TGFA: variants seen among roughly 807,000 people sequenced by gnomAD.
TGFA encodes the protein protransforming growth factor alpha.
In TGFA, 12 loss-of-function variants were observed where a neutral mutation model predicts 21.7. The ratio of observed to expected loss-of-function variants is 0.55; its 90% CI spans 0.35 to 0.90. The LOEUF is 0.90. Among genes scored for constraint, TGFA ranks in the 40% least tolerant of loss-of-function variants. TGFA has a pLI of 0.01. For synonymous variants in TGFA, 79 were observed against 88.1 expected, an observed-to-expected ratio of 0.90 and a Z score of 0.58; for missense variants, 178 against 210.8, an observed-to-expected ratio of 0.84 and a Z score of 0.96.
chr2:70,494,258 C>A (rs1045965704), intron 2 of TGFA, among the ~76,000 whole-genome samples: 2 of 152,190 alleles, frequency 1.3e-5, no homozygotes, highest in Non-Finnish European at 2.9e-5. Context: ...GATACTCTTC[C>A]CATTTCAAGG....
chr2:70,465,498 C>T (rs1670528109), intron 3 of TGFA, 118 bp downstream of exon 3: 2 of 1,330,852 alleles, frequency 1.5e-6, no homozygotes, highest in Admixed American at 4.2e-5. Flanking sequence ...AATCCTCTGA[C>T]ACATCTGGCT....
Position 70,536,993 on chromosome 2 carries a change from TTTTTC to T in TGFA, c.40+16730_40+16734del, listed in dbSNP as rs1276925767. Among the ~76,000 whole-genome samples, 1,060 of 126,980 alleles carry T rather than the reference TTTTTC, an allele frequency of 8.3e-3. 12 individuals carry two copies. Among genetic ancestry groups the T allele is most frequent in the African/African-American group, 0.031 (960 of 30,908 alleles). 83.3% of individuals were successfully genotyped at this position (126,980 alleles called of 152,430 possible). ...TGTTTTGTTTTCTTTTTTCTTTTTCTTTTTCTTTTTTTTTTTTTTACAAATTTAAA... is the reference window on the plus strand; with the variant it reads ...TGTTTTGTTTTCTTTTTTCTTTTTCTTTTTTTTTTTTTTTACAAATTTAAA... On this transcript the variant is annotated intron_variant, in intron 1 of 5. Coordinates refer to ENST00000295400, the MANE Select transcript of TGFA (RefSeq NM_003236.4).
intron 2 of TGFA, among the ~76,000 whole-genome samples, chr2:70,473,695 G>T (rs1238765312): frequency 6.6e-6 from 1 of 152,048 alleles, no homozygotes; most frequent in Non-Finnish European, 1.5e-5. Context: ...GGGTGTGTGG[G>T]ATGGTGGAGA....
chr2:70,548,496 C>T (rs1673386253), intron 1 of TGFA, among the ~76,000 whole-genome samples: 2 of 152,094 alleles, frequency 1.3e-5, no homozygotes, highest in South Asian at 4.1e-4. Flanking sequence ...TTGAGGAAAC[C>T]CTAAGCAGCA....
At chr2:70,521,613 G>T (rs2461518) in intron 1 of TGFA, among the ~76,000 whole-genome samples, 13,667 of 72,606 alleles carry the variant, frequency 0.19, 1,872 homozygotes, top group African/African-American at 0.36. Context: ...GTTGTTGTTT[G>T]TTTGTTTTTT....
At chr2:70,506,441 G>A (rs1671929457) in intron 2 of TGFA, among the ~76,000 whole-genome samples, 1 of 152,192 alleles carries the variant, frequency 6.6e-6, no homozygotes, top group South Asian at 2.1e-4. Context: ...ATCGCATGCT[G>A]TAAGGGCCTA....
intron 1 of TGFA, among the ~76,000 whole-genome samples, chr2:70,524,440 C>T (rs1672570475): frequency 6.6e-6 from 1 of 152,268 alleles, no homozygotes; most frequent in South Asian, 2.1e-4. Context: ...TGCTCACGCA[C>T]TGGCTGGCTG....
intron 2 of TGFA, among the ~76,000 whole-genome samples, chr2:70,511,825 T>G (rs1229423454): frequency 3.9e-5 from 6 of 152,140 alleles, no homozygotes; most frequent in African/African-American, 1.4e-4. Context: ...TCACTATCTC[T>G]TCTTCTGTGG....
At chr2:70,516,754 G>A (rs13409660) in intron 1 of TGFA, among the ~76,000 whole-genome samples, 4,010 of 152,258 alleles carry the variant, frequency 0.026, 184 homozygotes, top group African/African-American at 0.092. Flanking sequence ...GACTTCGCTG[G>A]CACTGCCACA....
At chr2:70,462,144 G>T (rs781875330) in intron 3 of TGFA, among the ~76,000 whole-genome samples, 1 of 152,212 alleles carries the variant, frequency 6.6e-6, no homozygotes, top group African/African-American at 2.4e-5. Context: ...GGATGTGTGT[G>T]TCAGCTTCCC....
At chr2:70,526,205 G>A (rs1443018608) in intron 1 of TGFA, among the ~76,000 whole-genome samples, 3 of 152,198 alleles carry the variant, frequency 2.0e-5, no homozygotes, top group Admixed American at 6.5e-5. Context: ...ATCAGCCTGT[G>A]CCTGTCTTGT....
chr2:70,503,093 T>C (rs1274297225), intron 2 of TGFA, among the ~76,000 whole-genome samples: 1 of 152,182 alleles, frequency 6.6e-6, no homozygotes, highest in Admixed American at 6.5e-5. Flanking sequence ...CAAAGGATTA[T>C]AAATCATGCT....
intron 1 of TGFA, among the ~76,000 whole-genome samples, chr2:70,523,680 G>A (rs1672547793): frequency 6.6e-6 from 1 of 152,110 alleles, no homozygotes; most frequent in African/African-American, 2.4e-5. Context: ...ATAAGATCAG[G>A]TCACTCACAT....
intron 1 of TGFA, among the ~76,000 whole-genome samples, chr2:70,527,353 AT>A (rs1672668185): frequency 6.6e-6 from 1 of 152,246 alleles, no homozygotes; most frequent in Non-Finnish European, 1.5e-5. Context: ...AAGGCTGTAT[AT>A]TGTATGATTC....
intron 4 of TGFA, among the ~76,000 whole-genome samples, chr2:70,455,484 T>C (rs1670202370): frequency 6.6e-6 from 1 of 152,190 alleles, no homozygotes; most frequent in Non-Finnish European, 1.5e-5. Flanking sequence ...CTACACTGAA[T>C]TGAATGGCAG....
In TGFA at chr2:70,450,912, G is replaced by T. The variant is rs782509887; in HGVS notation, c.476-46C>A. ...GTTAAGCACTGTGGGCCACACCCTG[G>T]CCACGTTGGGAAAATAAGCTTAGGA... On this transcript the variant is annotated intron_variant, in intron 5 of 5. Transcript: ENST00000295400. The T allele has an allele frequency of 3.1e-6, 5 of 1,594,514 alleles. No individual in the cohort carries two copies. In the Admixed American group the frequency reaches 8.6e-5, roughly 27 times the overall value.
At chr2:70,525,409 C>A (rs1345549981) in intron 1 of TGFA, among the ~76,000 whole-genome samples, 2 of 152,148 alleles carry the variant, frequency 1.3e-5, no homozygotes, top group Non-Finnish European at 2.9e-5. Context: ...CCACAGGACA[C>A]CCCTTAGGCA....
intron 2 of TGFA, among the ~76,000 whole-genome samples, chr2:70,473,671 G>A (rs1377314549): frequency 2.8e-5 from 3 of 108,704 alleles, no homozygotes; most frequent in Non-Finnish European, 5.7e-5. Context: ...ATTCAATTTT[G>A]CTGTCTTAGA....
At chr2:70,483,502 T>C (rs1158417002) in intron 2 of TGFA, among the ~76,000 whole-genome samples, 1 of 152,208 alleles carries the variant, frequency 6.6e-6, no homozygotes, top group African/African-American at 2.4e-5. Flanking sequence ...ATTAGGGGTC[T>C]TTTACTAGGA....
Sources: allele counts gnomAD v4.1 joint callset (sites outside exome capture counted in the v4.1 genomes callset), GRCh38; gene constraint gnomAD v4.1.1; transcripts MANE v1.5; gene names NCBI Gene and HGNC (gene_info 2026-07-23, HGNC 2026-07-21).